Variants in FRMD4B observed in about 807,000 individuals in gnomAD.
The protein encoded by FRMD4B is FERM domain-containing protein 4B.
FRMD4B carries 74 observed loss-of-function variants against 141.5 expected under a neutral mutation model. The ratio of observed to expected loss-of-function variants is 0.52; its 90% CI spans 0.43 to 0.63. The LOEUF (loss-of-function observed/expected upper bound fraction) is 0.63. Ranked by LOEUF, FRMD4B falls within the 30% of genes least tolerant of loss-of-function variation. FRMD4B has a pLI of 0.00. For missense variants in FRMD4B, 1,366 were observed against 1,253.4 expected (o/e 1.09, Z -1.36); for synonymous variants, 506 against 467.9 (o/e 1.08, Z -1.05).
chr3:69,332,488 TACCTGTCTG>T (rs1293013782), intron 1 of FRMD4B, among the ~76,000 whole-genome samples: 1 of 152,186 alleles, frequency 6.6e-6, no homozygotes, highest in Non-Finnish European at 1.5e-5. Context: ...TCAGGTATCA[TACCTGTCTG>T]ACTCCCCAGG....
chr3:69,270,569 C>CTTTTTTTTTTTTT (rs57693333), intron 5 of FRMD4B, among the ~76,000 whole-genome samples: 2 of 144,802 alleles, frequency 1.4e-5, no homozygotes, highest in Non-Finnish European at 3.0e-5. Context: ...TTCTTTTTTT[C>CTTTTTTTTTTTTT]TTTTTTTTTT....
chr3:69,500,006 A>T (rs1706465298), intron 1 of FRMD4B, among the ~76,000 whole-genome samples: 1 of 152,258 alleles, frequency 6.6e-6, no homozygotes, highest in Non-Finnish European at 1.5e-5. Context: ...ACTGGGTTCC[A>T]GAAGGGGATC....
chr3:69,272,913 G>A (rs993477282), intron 5 of FRMD4B, among the ~76,000 whole-genome samples: 3 of 152,168 alleles, frequency 2.0e-5, no homozygotes, highest in African/African-American at 7.2e-5. Context: ...CAGGCAGCTA[G>A]AACTCTACAA....
intron 7 of FRMD4B, among the ~76,000 whole-genome samples, chr3:69,245,996 C>T (rs1459917082): frequency 1.3e-5 from 2 of 151,836 alleles, no homozygotes; most frequent in Non-Finnish European, 2.9e-5. Context: ...TGCCACCATG[C>T]CCAGCTAATT....
chr3:69,246,363 A>G (rs1302665549), intron 7 of FRMD4B, among the ~76,000 whole-genome samples: 1 of 152,130 alleles, frequency 6.6e-6, no homozygotes, highest in East Asian at 1.9e-4. Context: ...GGCTGAGATG[A>G]AAGAACTGAT....
chr3:69,533,684 G>A (rs1373173287), intron 1 of FRMD4B, among the ~76,000 whole-genome samples: 1 of 152,004 alleles, frequency 6.6e-6, no homozygotes, highest in African/African-American at 2.4e-5. Context: ...TGCAACTTCT[G>A]TCCTTCCTCC....
intron 8 of FRMD4B, 66 bp from the exon 9 acceptor site, chr3:69,221,989 C>G (rs2093199736): frequency 1.2e-6 from 1 of 840,628 alleles, no homozygotes; most frequent in East Asian, 2.6e-5. Context: ...ACAGTTTCCA[C>G]ATTATCAGGT....
chr3:69,224,915 G>A (rs9849591), intron 7 of FRMD4B, among the ~76,000 whole-genome samples: 140,881 of 152,232 alleles, frequency 0.93, 65,743 homozygotes, highest in Non-Finnish European at 0.99. Flanking sequence ...TATTTTACAC[G>A]TAACTATGAT....
intron 7 of FRMD4B, among the ~76,000 whole-genome samples, chr3:69,243,285 G>A (rs781580979): frequency 4.0e-5 from 6 of 151,690 alleles, no homozygotes; most frequent in Non-Finnish European, 7.3e-5. Context: ...AAGGGAACAC[G>A]GCAGGAAACA....
chr3:69,194,984 T>C (rs759540927), intron 16 of FRMD4B, 38 bp downstream of exon 16: 5 of 1,589,730 alleles, frequency 3.1e-6, no homozygotes, highest in Non-Finnish European at 4.3e-6. Flanking sequence ...CTTTCCTGTC[T>C]TATGATTAAT....
chr3:69,246,220 C>A (rs2093424754), intron 7 of FRMD4B, among the ~76,000 whole-genome samples: 1 of 152,110 alleles, frequency 6.6e-6, no homozygotes, highest in Non-Finnish European at 1.5e-5. Context: ...CTTTGGGAGG[C>A]CAACATAGGC....
At chr3:69,324,164 G>C (rs1412988013) in intron 1 of FRMD4B, among the ~76,000 whole-genome samples, 1 of 152,180 alleles carries the variant, frequency 6.6e-6, no homozygotes, top group African/African-American at 2.4e-5. Flanking sequence ...ATCTCCACCT[G>C]TTGGGATGCT....
At chr3:69,174,086 G>A (rs921218556) in intron 22 of FRMD4B, among the ~76,000 whole-genome samples, 7 of 151,568 alleles carry the variant, frequency 4.6e-5, no homozygotes, top group African/African-American at 7.3e-5. Context: ...GCAGTGAGCC[G>A]AGATCGTGTC....
At chr3:69,478,926 T>G (rs1173754866) in intron 1 of FRMD4B, among the ~76,000 whole-genome samples, 3 of 150,378 alleles carry the variant, frequency 2.0e-5, no homozygotes, top group African/African-American at 7.4e-5. Context: ...TAGTTAGCTC[T>G]TCTTGTTGAA....
intron 1 of FRMD4B, among the ~76,000 whole-genome samples, chr3:69,346,972 C>T (rs1425108492): frequency 6.6e-6 from 1 of 152,168 alleles, no homozygotes; most frequent in Non-Finnish European, 1.5e-5. Context: ...ATCAAATTCA[C>T]TCATAACAAT....
rs537388772 is a variant in FRMD4B, at chr3:69,371,238, A to G, written c.162+14590T>C. Among the ~76,000 whole-genome samples the G allele has an allele frequency of 6.6e-5, 10 of 152,246 alleles. No homozygotes were observed. The South Asian group carries it at 2.1e-3, about 32-fold the overall frequency. ...CTGTGGGCTACAACTCTGAGGCTGG[A>G]ATGTGCTTGGCAGGTTTGAGGGACA... On this transcript the variant is annotated intron_variant, in intron 1 of 22. Coordinates refer to ENST00000398540, the MANE Select transcript of FRMD4B (RefSeq NM_015123.3).
intron 1 of FRMD4B, among the ~76,000 whole-genome samples, chr3:69,373,992 C>A (rs973607283): frequency 6.6e-6 from 1 of 152,168 alleles, no homozygotes; most frequent in African/African-American, 2.4e-5. Flanking sequence ...ACTATTATTT[C>A]CTCATCTTAC....
chr3:69,294,887 C>T (rs1162590936), intron 4 of FRMD4B, among the ~76,000 whole-genome samples: 3 of 152,066 alleles, frequency 2.0e-5, no homozygotes, highest in Non-Finnish European at 2.9e-5. Context: ...AACATCTGGG[C>T]ACGGTGAATA....
chr3:69,506,159 T>G (rs573141759), intron 1 of FRMD4B, among the ~76,000 whole-genome samples: 1 of 152,170 alleles, frequency 6.6e-6, no homozygotes, highest in East Asian at 1.9e-4. Flanking sequence ...GACCATCCAC[T>G]GCAACCCCAA....
Sources: allele counts gnomAD v4.1 joint callset (sites outside exome capture counted in the v4.1 genomes callset), GRCh38; gene constraint gnomAD v4.1.1; transcripts MANE v1.5; gene names NCBI Gene and HGNC (gene_info 2026-07-23, HGNC 2026-07-21).